STX18: variants seen among roughly 807,000 people sequenced by gnomAD.
STX18 encodes syntaxin-18.
Under a neutral mutation model 50.1 loss-of-function variants are expected in STX18, and 40 were observed. The observed-to-expected ratio is 0.80, with a 90% confidence interval of 0.62 to 1.04. STX18 has a LOEUF of 1.04. Ranked by LOEUF, STX18 falls within the 50% of genes least tolerant of loss-of-function variation. The pLI is 0.00. For synonymous variants in STX18, 158 were observed against 151.8 expected, an observed-to-expected ratio of 1.04 and a Z score of -0.30; for missense variants, 410 against 415.8, an observed-to-expected ratio of 0.99 and a Z score of 0.12.
At chr4:4,440,389 G>GTAGGGT (rs1014495331) in intron 5 of STX18, among the ~76,000 whole-genome samples, 1 of 152,234 alleles carries the variant, frequency 6.6e-6, no homozygotes, top group Admixed American at 6.5e-5. Context: ...AAACTGAGGT[G>GTAGGGT]TAGAGAAGTT....
At chr4:4,525,855 G>C (rs988335472) in intron 1 of STX18, among the ~76,000 whole-genome samples, 11 of 152,132 alleles carry the variant, frequency 7.2e-5, no homozygotes, top group African/African-American at 2.7e-4. Flanking sequence ...GGCAGCAAAT[G>C]CTTTCAATTC....
At chr4:4,474,217 T>A (rs1728063055) in intron 1 of STX18, among the ~76,000 whole-genome samples, 1 of 152,206 alleles carries the variant, frequency 6.6e-6, no homozygotes, top group African/African-American at 2.4e-5. Flanking sequence ...CATGTGCATC[T>A]ATTTCAGCAC....
chr4:4,457,310 C>T, intron 4 of STX18, 53 bp from the exon 5 acceptor site: 2 of 1,583,582 alleles, frequency 1.3e-6, no homozygotes, highest in Non-Finnish European at 1.7e-6. Flanking sequence ...GCTTCTCAGG[C>T]AAAGCCATCA....
chr4:4,478,807 G>T (rs1728320694), intron 1 of STX18: 1 of 152,384 alleles, frequency 6.6e-6, no homozygotes, highest in African/African-American at 2.4e-5. Flanking sequence ...TTTTGAGAAG[G>T]GAGAGCATGC....
Position 4,459,460 on chromosome 4 carries a change from C to T in STX18, c.264G>A (p.Met88Ile). The change falls in exon 3 of 11, where the codon ATG becomes ATA. Residue 88 changes from methionine (M) to isoleucine (I), a missense_variant. Met to Ile is a conservative substitution (Grantham distance 10, BLOSUM62 1). Transcript: ENST00000306200. The stretch of plus-strand genomic sequence containing the variant: ...CTATCTGGTCTCGTTCTGTGTCTGT[C>T]ATCCTCCCATATTCAGACATGGTAT... Reference protein sequence around the residue: ...YSHTMSEYGRMTDTERDQIDQ... With the variant: ...YSHTMSEYGRITDTERDQIDQ... 4 of 1,613,954 alleles carry T rather than the reference C, an allele frequency of 2.5e-6. No homozygotes were observed. Among genetic ancestry groups the T allele is most frequent in the African/African-American group, 1.3e-5 (1 of 75,032 alleles).
chr4:4,534,911 G>C (rs946200051), intron 1 of STX18, among the ~76,000 whole-genome samples: 1 of 152,258 alleles, frequency 6.6e-6, no homozygotes, highest in Non-Finnish European at 1.5e-5. Context: ...GATTTGGCCT[G>C]TGGGCCAGTT....
chr4:4,522,325 A>G (rs1730544388), intron 1 of STX18, among the ~76,000 whole-genome samples: 1 of 152,228 alleles, frequency 6.6e-6, no homozygotes, highest in Admixed American at 6.5e-5. Flanking sequence ...ATTTTAATCT[A>G]GACACTTAAA....
At chr4:4,537,625 T>A (rs1731402280) in intron 1 of STX18, among the ~76,000 whole-genome samples, 1 of 152,202 alleles carries the variant, frequency 6.6e-6, no homozygotes, top group Non-Finnish European at 1.5e-5. Flanking sequence ...TCCCACTTTG[T>A]TCAGGTTAAT....
At chr4:4,531,889 A>C (rs188637130) in intron 1 of STX18, among the ~76,000 whole-genome samples, 6 of 152,252 alleles carry the variant, frequency 3.9e-5, no homozygotes, top group Non-Finnish European at 8.8e-5. Context: ...TGTCTTTTTA[A>C]GAGGCTATGA....
intron 1 of STX18, among the ~76,000 whole-genome samples, chr4:4,505,740 C>T (rs1729673426): frequency 6.6e-6 from 1 of 152,068 alleles, no homozygotes; most frequent in Admixed American, 6.5e-5. Flanking sequence ...AGTGATCTGA[C>T]ATCAAGCACT....
At chr4:4,488,228 G>A (rs571402638) in intron 1 of STX18, among the ~76,000 whole-genome samples, 1 of 152,120 alleles carries the variant, frequency 6.6e-6, no homozygotes, top group African/African-American at 2.4e-5. Context: ...ATCCAAAGCC[G>A]TCTCTTACTA....
At chr4:4,444,079 C>T (rs1225132790) in intron 5 of STX18, among the ~76,000 whole-genome samples, 2 of 152,162 alleles carry the variant, frequency 1.3e-5, no homozygotes, top group African/African-American at 4.8e-5. Flanking sequence ...GGCCTTGGGC[C>T]ACTGTATCAG....
rs566772861 is a variant in STX18 at position 4,442,834 on chromosome 4, G to A, written c.498-4325C>T. Among the ~76,000 whole-genome samples, 33 of 144,236 alleles carry A rather than the reference G, an allele frequency of 2.3e-4. No homozygotes were observed. The East Asian group carries it at 4.9e-3, about 22-fold the overall frequency. 94.6% of individuals were successfully genotyped at this position (144,236 alleles called of 152,430 possible). ...AAAAAAAAAAAAAGCCCCACCATAG[G>A]TAAAGCAGACAGAGAAAAAGACCAA... On this transcript the variant is annotated intron_variant, in intron 5 of 10. Coordinates refer to ENST00000306200, the MANE Select transcript of STX18 (RefSeq NM_016930.4).
intron 2 of STX18, among the ~76,000 whole-genome samples, chr4:4,465,029 TAACTC>T (rs1376416307): frequency 6.6e-6 from 1 of 152,148 alleles, no homozygotes; most frequent in Non-Finnish European, 1.5e-5. Flanking sequence ...TGTTAGGTGT[TAACTC>T]GAGATCTTTT....
rs372357560 is a variant in STX18 at position 4,488,564 on chromosome 4, T to C, written c.169-16858A>G. ...AATCTCCTACACAGCCCATCAAGTA[T>C]GGGTCCCATCCACTAGGTGGTGCTC... On this transcript the variant is annotated intron_variant, in intron 1 of 10. Coordinates refer to ENST00000306200, the MANE Select transcript of STX18 (RefSeq NM_016930.4). Among the ~76,000 whole-genome samples, 134 of 152,326 alleles carry C rather than the reference T, an allele frequency of 8.8e-4. 1 individual carries two copies. The Middle Eastern group carries it at 0.01, about 12-fold the overall frequency.
chr4:4,471,895 G>A (rs1336407622), intron 1 of STX18, among the ~76,000 whole-genome samples, 189 bp from the exon 2 acceptor site: 1 of 152,136 alleles, frequency 6.6e-6, no homozygotes, highest in Non-Finnish European at 1.5e-5. Flanking sequence ...TCTCATCGAT[G>A]GTTCCTTCCA....
intron 1 of STX18, among the ~76,000 whole-genome samples, chr4:4,504,572 G>A (rs1225408298): frequency 6.6e-6 from 1 of 152,144 alleles, no homozygotes; most frequent in Non-Finnish European, 1.5e-5. Flanking sequence ...TTATACACAT[G>A]ACAAAGGACT....
intron 1 of STX18, among the ~76,000 whole-genome samples, chr4:4,489,391 A>ATTTTTTTTTTTTTTTTTTTTTTTTTT (rs34563523): frequency 1.9e-5 from 1 of 51,600 alleles, no homozygotes; most frequent in Admixed American, 3.0e-4. Context: ...ATGCAAAATA[A>ATTTTTTTTTTTTTTTTTTTTTTTTTT]TTTTTTTTTT....
At chr4:4,490,243 G>T (rs1266842387) in intron 1 of STX18, among the ~76,000 whole-genome samples, 1 of 152,124 alleles carries the variant, frequency 6.6e-6, no homozygotes, top group African/African-American at 2.4e-5. Context: ...AGCATTATCT[G>T]ATCAAATATT....
Sources: gnomAD v4.1 joint callset for allele counts (sites outside exome capture counted in the v4.1 genomes callset) on GRCh38, gnomAD v4.1.1 for gene constraint, MANE v1.5 for transcripts, NCBI Gene and HGNC (gene_info 2026-07-23, HGNC 2026-07-21) for gene names.